CRPPA: variants seen among roughly 807,000 people sequenced by gnomAD.
CRPPA encodes D-ribitol-5-phosphate cytidylyltransferase.
In CRPPA, 43 loss-of-function variants were observed where a neutral mutation model predicts 52.0. The ratio of observed to expected loss-of-function variants is 0.83; its 90% CI spans 0.65 to 1.07. The LOEUF is 1.07. Among genes scored for constraint, CRPPA ranks in the 50% least tolerant of loss-of-function variants. The pLI is 0.00. For synonymous variants in CRPPA, 250 were observed against 203.5 expected (o/e 1.23, Z -1.94); for missense variants, 629 against 551.7 (o/e 1.14, Z -1.40).
At chr7:16,209,242 A>G in intron 9 of CRPPA, 1 of 265,642 alleles carries the variant, frequency 3.8e-6, no homozygotes. Context: ...TGGTAAGAAG[A>G]GACACGGCCA....
intron 1 of CRPPA, among the ~76,000 whole-genome samples, chr7:16,407,587 G>A (rs187146953): frequency 2.7e-4 from 41 of 152,074 alleles, no homozygotes; most frequent in Middle Eastern, 3.4e-3. Flanking sequence ...GAAAATTACT[G>A]CATAAAGATT....
At chr7:16,218,383 C>A (rs1370030136) in intron 8 of CRPPA, among the ~76,000 whole-genome samples, 2 of 129,620 alleles carry the variant, frequency 1.5e-5, no homozygotes, top group African/African-American at 2.9e-5. Flanking sequence ...ACTGCATCAA[C>A]TAACGAGCAA....
At chr7:16,248,517 T>C (rs1369745238) in intron 8 of CRPPA, among the ~76,000 whole-genome samples, 1 of 152,190 alleles carries the variant, frequency 6.6e-6, no homozygotes, top group Non-Finnish European at 1.5e-5. Flanking sequence ...GCTTCTGTGA[T>C]ATATCTGATA....
At chr7:16,093,221 G>C (rs1256028417) in intron 9 of CRPPA, among the ~76,000 whole-genome samples, 4 of 152,008 alleles carry the variant, frequency 2.6e-5, no homozygotes, top group South Asian at 2.1e-4. Flanking sequence ...CTAACACATG[G>C]TAGCACTCCA....
chr7:16,099,612 GA>G (rs1199075606), intron 9 of CRPPA, among the ~76,000 whole-genome samples: 1 of 152,140 alleles, frequency 6.6e-6, no homozygotes, highest in African/African-American at 2.4e-5. Context: ...CAGAGAGTAG[GA>G]AAGACACAAA....
At chr7:16,222,892 C>T (rs771796056) in intron 8 of CRPPA, among the ~76,000 whole-genome samples, 4 of 152,110 alleles carry the variant, frequency 2.6e-5, no homozygotes, top group Non-Finnish European at 4.4e-5. Context: ...TTGATCAAGT[C>T]AGTATATCTA....
chr7:16,131,354 G>C (rs1331058577), intron 9 of CRPPA, among the ~76,000 whole-genome samples: 1 of 152,114 alleles, frequency 6.6e-6, no homozygotes, highest in Non-Finnish European at 1.5e-5. Context: ...ATACAATGTT[G>C]ATAATAATAA....
At chr7:16,125,257 CAAAAAAA>C (rs11323226) in intron 9 of CRPPA, among the ~76,000 whole-genome samples, 3 of 67,722 alleles carry the variant, frequency 4.4e-5, no homozygotes, top group Admixed American at 1.9e-4. Context: ...GAGACTGTCT[CAAAAAAA>C]AAAAAAAAAA....
intron 9 of CRPPA, among the ~76,000 whole-genome samples, chr7:16,182,993 A>G (rs1350737201): frequency 2.6e-5 from 4 of 152,178 alleles, no homozygotes; most frequent in South Asian, 2.1e-4. Flanking sequence ...GGGCTGACTC[A>G]AGGCTAAAAA....
At chr7:16,385,924 C>G (rs1787256266) in intron 2 of CRPPA, among the ~76,000 whole-genome samples, 1 of 152,138 alleles carries the variant, frequency 6.6e-6, no homozygotes, top group Non-Finnish European at 1.5e-5. Context: ...ACAGTAGCGT[C>G]TAGGGGTGGG....
intron 9 of CRPPA, among the ~76,000 whole-genome samples, chr7:16,214,244 AT>A (rs1782241717): frequency 6.6e-6 from 1 of 152,206 alleles, no homozygotes; most frequent in Admixed American, 6.5e-5. Context: ...TTAACTAGGC[AT>A]CATATATATA....
At chr7:16,341,238 G>A (rs1583532687) in intron 3 of CRPPA, among the ~76,000 whole-genome samples, 2 of 151,926 alleles carry the variant, frequency 1.3e-5, no homozygotes, top group African/African-American at 2.4e-5. Flanking sequence ...TGTAAACTAT[G>A]AACTCTAGGT....
At chr7:16,340,627 CG>C (rs1785800175) in intron 3 of CRPPA, among the ~76,000 whole-genome samples, 1 of 140,098 alleles carries the variant, frequency 7.1e-6, no homozygotes. Context: ...AAAAAAAAAA[CG>C]AAAAAACCAA....
chr7:16,157,973 C>T, intron 9 of CRPPA, among the ~76,000 whole-genome samples: 1 of 152,006 alleles, frequency 6.6e-6, no homozygotes, highest in African/African-American at 2.4e-5. Flanking sequence ...CTCGGGGAAT[C>T]AAGCGATTCC....
chr7:16,093,485 A>G lies in CRPPA; in HGVS notation c.1252-1686T>C, dbSNP rs565260081. Among the ~76,000 whole-genome samples, 36 of 152,294 alleles carry G rather than the reference A, an allele frequency of 2.4e-4. 1 individual carries two copies. The South Asian group carries it at 6.2e-3, about 26-fold the overall frequency. On this transcript the variant is annotated intron_variant, in intron 9 of 9. Coordinates refer to ENST00000407010, the MANE Select transcript of CRPPA (RefSeq NM_001101426.4). ...TGACGGTGAGAGGCCATCTCTGCTT[A>G]AAGTGCTCTTTTCTATCAATTTCCT...
chr7:16,408,655 A>G (rs1350059686), intron 1 of CRPPA, among the ~76,000 whole-genome samples: 2 of 152,240 alleles, frequency 1.3e-5, no homozygotes, highest in Non-Finnish European at 2.9e-5. Context: ...ATGAACCCAG[A>G]AAGATGTGCA....
chr7:16,286,097 A>AAAAAAAAAATATAT, intron 5 of CRPPA, among the ~76,000 whole-genome samples: 4 of 39,130 alleles, frequency 1.0e-4, no homozygotes, highest in Non-Finnish European at 1.6e-4. Context: ...TAAAAAAAAA[A>AAAAAAAAAATATAT]ATATATATAT....
intron 5 of CRPPA, among the ~76,000 whole-genome samples, chr7:16,283,470 T>G (rs1453082813): frequency 6.7e-6 from 1 of 150,058 alleles, no homozygotes; most frequent in Non-Finnish European, 1.5e-5. Context: ...TGATACTGTA[T>G]CTATGGGTAT....
chr7:16,383,728 A>C (rs570513125), intron 2 of CRPPA, among the ~76,000 whole-genome samples: 1 of 150,744 alleles, frequency 6.6e-6, no homozygotes, highest in African/African-American at 2.4e-5. Flanking sequence ...CCTCGCTGCC[A>C]CCTTGCAGTT....
Sources: gnomAD v4.1 joint callset for allele counts (sites outside exome capture counted in the v4.1 genomes callset) on GRCh38, gnomAD v4.1.1 for gene constraint, MANE v1.5 for transcripts, NCBI Gene and HGNC (gene_info 2026-07-23, HGNC 2026-07-21) for gene names.